Variants in RBPJ observed in about 807,000 individuals in gnomAD.
The protein encoded by RBPJ is recombining binding protein suppressor of hairless.
A neutral mutation model predicts 67.8 loss-of-function variants in RBPJ; 9 were observed. The ratio of observed to expected loss-of-function variants is 0.13; its 90% CI spans 0.08 to 0.23. The LOEUF (loss-of-function observed/expected upper bound fraction) is 0.23. Ranked by LOEUF, RBPJ falls within the 10% of genes least tolerant of loss-of-function variation. The pLI is 1.00. For synonymous variants in RBPJ, 198 were observed against 203.3 expected, an observed-to-expected ratio of 0.97 and a Z score of 0.22; for missense variants, 305 against 595.6, an observed-to-expected ratio of 0.51 and a Z score of 5.08.
chr4:26,229,426 G>C (rs554584852), intron 1 of RBPJ, among the ~76,000 whole-genome samples: 3 of 152,232 alleles, frequency 2.0e-5, no homozygotes, highest in East Asian at 1.9e-4. Context: ...TCCTCCTGTT[G>C]GTGGCCCCAC....
chr4:26,379,110 C>T (rs1251416379), intron 1 of RBPJ, among the ~76,000 whole-genome samples: 1 of 152,092 alleles, frequency 6.6e-6, no homozygotes, highest in Non-Finnish European at 1.5e-5. Context: ...GAAGGAAGTA[C>T]ATTTCTTCAC....
rs1368392920 is a variant in RBPJ at position 26,339,814 on chromosome 4, G to A, written c.20+18766G>A. Among the ~76,000 whole-genome samples, 4 of 152,318 alleles carry A rather than the reference G, an allele frequency of 2.6e-5. No individual in the cohort carries two copies. In the East Asian group the frequency reaches 7.7e-4, roughly 29 times the overall value. On this transcript the variant is annotated intron_variant, in intron 1 of 10. Transcript: ENST00000355476. ...GTGGGCGGATCACCTGAGGTCAGGA[G>A]TTTAAGACCAGCCTGGCCAACATGG...
At chr4:26,285,849 G>T (rs369871798) in intron 1 of RBPJ, among the ~76,000 whole-genome samples, 1 of 152,080 alleles carries the variant, frequency 6.6e-6, no homozygotes, top group Non-Finnish European at 1.5e-5. Context: ...AAGACTAACA[G>T]CAAATTGTTG....
intron 1 of RBPJ, among the ~76,000 whole-genome samples, chr4:26,202,918 A>C (rs1223331414): frequency 6.6e-6 from 1 of 150,830 alleles, no homozygotes; most frequent in Non-Finnish European, 1.5e-5. Flanking sequence ...CTGTCAAAAA[A>C]AAAAGAAAAA....
chr4:26,419,167 T>C (rs867366352), intron 4 of RBPJ, among the ~76,000 whole-genome samples: 1 of 152,108 alleles, frequency 6.6e-6, no homozygotes, highest in Non-Finnish European at 1.5e-5. Flanking sequence ...TTCGTAGAGA[T>C]GGGGTTTCAC....
At chr4:26,210,688 T>TTCTTTCCTTCTTTCCTTCTTTCC (rs1718362102) in intron 1 of RBPJ, among the ~76,000 whole-genome samples, 1 of 70,100 alleles carries the variant, frequency 1.4e-5, no homozygotes, top group Non-Finnish European at 3.0e-5. Flanking sequence ...CTTTCTTTCC[T>TTCTTTCCTTCTTTCCTTCTTTCC]TTCTTTCTTT....
At chr4:26,347,543 G>A (rs547005461) in intron 1 of RBPJ, among the ~76,000 whole-genome samples, 1 of 152,184 alleles carries the variant, frequency 6.6e-6, no homozygotes, top group Non-Finnish European at 1.5e-5. Context: ...ATGTTCATTG[G>A]ATTTAGGATT....
At chr4:26,330,447 C>G (rs976836104) in intron 1 of RBPJ, among the ~76,000 whole-genome samples, 1 of 152,112 alleles carries the variant, frequency 6.6e-6, no homozygotes, top group Non-Finnish European at 1.5e-5. Flanking sequence ...ACCTAGAAAC[C>G]CACGTAGAAA....
At chr4:26,262,184 A>T (rs1244480153) in intron 1 of RBPJ, among the ~76,000 whole-genome samples, 4 of 152,068 alleles carry the variant, frequency 2.6e-5, no homozygotes, top group Admixed American at 2.0e-4. Flanking sequence ...GACTCAAATG[A>T]TCCACCCACC....
chr4:26,188,028 AAAAAT>A (rs990254359), intron 1 of RBPJ, among the ~76,000 whole-genome samples: 80 of 151,172 alleles, frequency 5.3e-4, no homozygotes, highest in African/African-American at 1.8e-3. Context: ...CTCTGTCTCA[AAAAAT>A]AAAATAAAAA....
intron 1 of RBPJ, among the ~76,000 whole-genome samples, chr4:26,343,521 T>C (rs190156938): frequency 6.6e-6 from 1 of 151,994 alleles, no homozygotes; most frequent in African/African-American, 2.4e-5. Context: ...CCCACTTTTA[T>C]TTCAGAAAAA....
intron 1 of RBPJ, chr4:26,362,348 C>T (rs935037397): frequency 7.1e-6 from 4 of 566,698 alleles, no homozygotes; most frequent in Non-Finnish European, 1.1e-5. Flanking sequence ...GTAGCAGCAG[C>T]TTTTTTGTTT....
the RBPJ span, among the ~76,000 whole-genome samples, chr4:26,105,940 G>A: frequency 1.3e-5 from 2 of 152,226 alleles, no homozygotes; most frequent in African/African-American, 4.8e-5. Context: ...GTGTCATGGA[G>A]TGCGATTTAT....
chr4:26,377,723 TC>T (rs1729899780), intron 1 of RBPJ, among the ~76,000 whole-genome samples: 1 of 152,240 alleles, frequency 6.6e-6, no homozygotes, highest in African/African-American at 2.4e-5. Context: ...GACATTTTTT[TC>T]TGTAAATTCT....
At chr4:26,173,882 G>A (rs1716698231) in intron 1 of RBPJ, among the ~76,000 whole-genome samples, 2 of 152,192 alleles carry the variant, frequency 1.3e-5, no homozygotes, top group South Asian at 2.1e-4. Context: ...GGAGATATGT[G>A]AGTAGCTAAG....
chr4:26,127,462 A>G, the RBPJ span, among the ~76,000 whole-genome samples: 21 of 152,328 alleles, frequency 1.4e-4, no homozygotes, highest in African/African-American at 4.8e-4. Flanking sequence ...CCAGTTTGAC[A>G]GGGTCTGTGG....
chr4:26,351,781 T>C (rs1349739119), intron 1 of RBPJ, among the ~76,000 whole-genome samples: 2 of 152,242 alleles, frequency 1.3e-5, no homozygotes, highest in Non-Finnish European at 2.9e-5. Context: ...TATATCTTCC[T>C]GTATGAGCTT....
intron 1 of RBPJ, among the ~76,000 whole-genome samples, chr4:26,263,634 C>T (rs975523776): frequency 6.6e-5 from 10 of 152,076 alleles, no homozygotes; most frequent in African/African-American, 2.4e-4. Context: ...TGCAACGGCC[C>T]GATCTCTGCT....
chr4:26,114,497 A>ATGTG, the RBPJ span, among the ~76,000 whole-genome samples: 39 of 140,058 alleles, frequency 2.8e-4, no homozygotes, highest in African/African-American at 1.0e-3. Flanking sequence ...ATATATATAT[A>ATGTG]TGTATGTGTG....
Sources: allele counts gnomAD v4.1 joint callset (sites outside exome capture counted in the v4.1 genomes callset), GRCh38; gene constraint gnomAD v4.1.1; transcripts MANE v1.5; gene names NCBI Gene and HGNC (gene_info 2026-07-23, HGNC 2026-07-21).